DEPDC5: variants seen among roughly 807,000 people sequenced by gnomAD.
The protein encoded by DEPDC5 is GATOR1 complex protein DEPDC5.
In DEPDC5, 73 loss-of-function variants were observed where a neutral mutation model predicts 217.3. The ratio of observed to expected loss-of-function variants is 0.34; its 90% CI spans 0.28 to 0.41. The LOEUF (loss-of-function observed/expected upper bound fraction) is 0.41, where lower values mean the gene tolerates loss of function less well. Ranked by LOEUF, DEPDC5 falls within the 10% of genes least tolerant of loss-of-function variation. The pLI is 1.00. For missense variants in DEPDC5, 1,675 were observed against 2,070.1 expected (o/e 0.81, Z 3.70); for synonymous variants, 733 against 756.7 (o/e 0.97, Z 0.51).
Position 31,906,841 on chromosome 22 carries a change from C to A in DEPDC5, c.*344C>A, listed in dbSNP as rs1191693140. On this transcript the variant is annotated 3_prime_UTR_variant, in exon 43 of 43. Coordinates refer to ENST00000651528, the MANE Select transcript of DEPDC5 (RefSeq NM_001242896.3). This position sits in a 1 kb window ranked among gnomAD's most constrained non-coding sequence, Gnocchi z 5.1. ...GAATGTCCTCGGAAGGGGGTGGCTC[C>A]TGGTAGCATCCTTTTCCTTCACCAT... 2.4e-6 allele frequency: 1 copy of A among 412,984 alleles called. No individual in the cohort carries two copies. The highest frequency in any genetic ancestry group is 4.4e-6 in the Non-Finnish European group (1 of 225,828). 25.6% of individuals were successfully genotyped at this position (412,984 alleles called of 1,614,324 possible). A position where few individuals can be genotyped will look rare whatever the true frequency, so the allele number is the denominator to read the frequency against.
intron 26 of DEPDC5, among the ~76,000 whole-genome samples, chr22:31,838,349 A>T (rs988897322): frequency 1.3e-5 from 2 of 152,020 alleles, no homozygotes; most frequent in Non-Finnish European, 2.9e-5. Flanking sequence ...GCAGTGATGC[A>T]ATCTTGGCTC....
intron 29 of DEPDC5, 83 bp downstream of exon 29, chr22:31,843,895 T>A: frequency 7.3e-7 from 1 of 1,367,868 alleles, no homozygotes; most frequent in Non-Finnish European, 9.8e-7. Flanking sequence ...CTGCCCTTTC[T>A]CTCTCTCTCC....
At chr22:31,815,249 C>T (rs1413778261) in intron 21 of DEPDC5, 37 bp downstream of exon 21, 1 of 1,609,880 alleles carries the variant, frequency 6.2e-7, no homozygotes, top group South Asian at 1.1e-5. Flanking sequence ...CCAGGGACAT[C>T]TTTCTTAATA....
rs1331355543 is a variant in DEPDC5, at chr22:31,764,097, A to AT, written c.194-870dup. Among the ~76,000 whole-genome samples the AT allele has an allele frequency of 6.6e-5, 10 of 151,238 alleles. No homozygotes were observed. The East Asian group carries it at 1.6e-3, about 24-fold the overall frequency. ...GGTGCGCACCACGACACCTGGCTAA[A>AT]TTTTTTTTGTATTTTTAGTAGAGGC... On this transcript the variant is annotated intron_variant, in intron 4 of 42. Coordinates refer to ENST00000651528, the MANE Select transcript of DEPDC5 (RefSeq NM_001242896.3).
chr22:31,754,004 C>T (rs113407386), upstream of DEPDC5: 1,556 of 152,372 alleles, frequency 0.01, 28 homozygotes, highest in African/African-American at 0.035. Flanking sequence ...CAGGTGAGCG[C>T]TACACGGTCG....
chr22:31,793,635 T>G (rs752151635), intron 12 of DEPDC5, among the ~76,000 whole-genome samples: 1 of 152,130 alleles, frequency 6.6e-6, no homozygotes, highest in Non-Finnish European at 1.5e-5. Flanking sequence ...GCAGTGGTCA[T>G]GTAAGCTGAC....
intron 21 of DEPDC5, chr22:31,817,208 C>T (rs1429169735): frequency 6.2e-6 from 1 of 161,516 alleles, no homozygotes; most frequent in Non-Finnish European, 1.3e-5. Flanking sequence ...CTCCCGGGTT[C>T]AAGCAATTCT....
At chr22:31,863,692 GCAGA>G (rs2092591281) in intron 33 of DEPDC5, among the ~76,000 whole-genome samples, 1 of 152,078 alleles carries the variant, frequency 6.6e-6, no homozygotes, top group African/African-American at 2.4e-5. Context: ...GGAGGCCAAG[GCAGA>G]CAGATCACTT....
intron 7 of DEPDC5, among the ~76,000 whole-genome samples, chr22:31,772,080 A>G (rs768625407): frequency 9.2e-5 from 14 of 152,012 alleles, no homozygotes; most frequent in African/African-American, 3.1e-4. Flanking sequence ...TAACAATAAA[A>G]AAAAGAACGG....
In DEPDC5 at chr22:31,874,284, A is replaced by G. The variant is rs1490141530; in HGVS notation, c.3575A>G (p.Gln1192Arg). The G allele has an allele frequency of 6.2e-7, 1 of 1,607,250 alleles. No homozygotes were observed. Among genetic ancestry groups the G allele is most frequent in the South Asian group, 1.1e-5 (1 of 89,616 alleles). ...EAMKHPSTGV[Q>R]LLSEQKGLSP... ...GTGTTGGAACCCAGGACAGGAGTCC[A>G]GCTGCTCTCTGAACAGAAGGGCCTC... The change falls in exon 36 of 43, where the codon CAG (glutamine) becomes CGG (arginine). Residue 1192 changes from glutamine to arginine, a missense_variant. By Grantham distance (43) the Gln-to-Arg change is conservative. This residue lies in a region of DEPDC5 where 194 missense variants were observed against 199.3 expected (regional missense o/e 0.97). Coordinates refer to ENST00000651528, the MANE Select transcript of DEPDC5 (RefSeq NM_001242896.3).
intron 33 of DEPDC5, among the ~76,000 whole-genome samples, chr22:31,869,298 A>G (rs1362211365): frequency 6.6e-6 from 1 of 151,948 alleles, no homozygotes; most frequent in Non-Finnish European, 1.5e-5. Flanking sequence ...CAGCTACCAG[A>G]AGCTCATAGA....
intron 32 of DEPDC5, among the ~76,000 whole-genome samples, chr22:31,860,994 C>A (rs2092487610): frequency 6.6e-6 from 1 of 151,996 alleles, no homozygotes; most frequent in Non-Finnish European, 1.5e-5. Flanking sequence ...AATTTCAGAG[C>A]TATGTGGGAG....
intron 38 of DEPDC5, 144 bp downstream of exon 38, chr22:31,879,896 G>T: frequency 6.5e-6 from 5 of 772,636 alleles, no homozygotes; most frequent in Non-Finnish European, 1.0e-5. Context: ...TGTCGGCACT[G>T]TTGGCTCCGT....
intron 8 of DEPDC5, among the ~76,000 whole-genome samples, chr22:31,781,234 C>A (rs79946813): frequency 7.3e-4 from 92 of 126,866 alleles, no homozygotes; most frequent in Middle Eastern, 4.0e-3. Flanking sequence ...AACAAACAAA[C>A]AAAAAAAAAA....
chr22:31,866,575 A>C (rs1409826600), intron 33 of DEPDC5, among the ~76,000 whole-genome samples: 1 of 152,178 alleles, frequency 6.6e-6, no homozygotes, highest in African/African-American at 2.4e-5. Flanking sequence ...TAGTAGAGAC[A>C]GGGTTTCACC....
At chr22:31,905,950 G>T in intron 41 of DEPDC5, 34 bp from the exon 42 acceptor site, 1 of 1,586,568 alleles carries the variant, frequency 6.3e-7, no homozygotes, top group Non-Finnish European at 8.7e-7. Flanking sequence ...AACTAAGGAG[G>T]CGCTGATTAG....
chr22:31,878,643 G>T (rs1451034571), intron 37 of DEPDC5, among the ~76,000 whole-genome samples: 1 of 152,094 alleles, frequency 6.6e-6, no homozygotes, highest in East Asian at 1.9e-4. Flanking sequence ...AGCCCAGGAG[G>T]TTGAGGCTAT....
In DEPDC5 at chr22:31,885,724, C is replaced by CA. The variant is rs1172720967; in HGVS notation, c.4033+5990dup. On this transcript the variant is annotated intron_variant, in intron 38 of 42. Coordinates refer to ENST00000651528, the MANE Select transcript of DEPDC5 (RefSeq NM_001242896.3). The stretch of plus-strand genomic sequence containing the variant: ...TGGGCAACAGAGCGAGACTCCATCT[C>CA]AAAAAAAAAAAAAAAAAAGAGACAG... Among the ~76,000 whole-genome samples the CA allele has an allele frequency of 7.2e-3, 450 of 62,160 alleles. 1 individual carries two copies. Among genetic ancestry groups the CA allele is most frequent in the South Asian group, 0.01 (19 of 1,812 alleles). 40.8% of individuals were successfully genotyped at this position (62,160 alleles called of 152,430 possible).
At chr22:31,761,526 G>A (rs891461033) in intron 4 of DEPDC5, among the ~76,000 whole-genome samples, 1 of 151,856 alleles carries the variant, frequency 6.6e-6, no homozygotes, top group African/African-American at 2.4e-5. Flanking sequence ...AAAAAAAATT[G>A]TAAAGTGACG....
Sources: gnomAD v4.1 joint callset for allele counts (sites outside exome capture counted in the v4.1 genomes callset) on GRCh38, gnomAD v4.1.1 for gene constraint, gnomAD v4.1.1 regional missense constraint, Gnocchi (gnomAD v3.1) non-coding constraint, MANE v1.5 for transcripts, NCBI Gene and HGNC (gene_info 2026-07-23, HGNC 2026-07-21) for gene names.